The following IFNAR1 variants were observed in gnomAD, a reference collection of about 807,000 sequenced individuals.
IFNAR1 encodes interferon alpha/beta receptor 1.
A neutral mutation model predicts 62.1 loss-of-function variants in IFNAR1; 47 were observed. The observed-to-expected ratio is 0.76, with a 90% CI of 0.60 to 0.97. The LOEUF (loss-of-function observed/expected upper bound fraction) is 0.97. IFNAR1 is among the 50% of genes least tolerant of loss of function. The pLI is 0.00. For synonymous variants in IFNAR1, 219 were observed against 226.9 expected, an observed-to-expected ratio of 0.97 and a Z score of 0.31; for missense variants, 638 against 654.5, an observed-to-expected ratio of 0.97 and a Z score of 0.27.
At chr21:33,354,512 A>G (rs2083430045) in intron 10 of IFNAR1, among the ~76,000 whole-genome samples, 1 of 152,262 alleles carries the variant, frequency 6.6e-6, no homozygotes, top group Admixed American at 6.5e-5. Context: ...AGTATATTCT[A>G]TGGATGAAAT....
chr21:33,352,626 CAA>C, intron 8 of IFNAR1, 130 bp from the exon 9 acceptor site: 1 of 522,394 alleles, frequency 1.9e-6, no homozygotes, highest in Middle Eastern at 5.4e-4. Context: ...CAAAACAAAA[CAA>C]AACAAAAAAT....
intron 10 of IFNAR1, among the ~76,000 whole-genome samples, chr21:33,355,029 T>C (rs111578791): frequency 6.6e-5 from 10 of 151,600 alleles, no homozygotes; most frequent in African/African-American, 2.4e-4. Context: ...CGCCCGCTCC[T>C]GTCCTTTCCC....
At chr21:33,352,190 A>T (rs17875843) in intron 8 of IFNAR1, among the ~76,000 whole-genome samples, 1 of 152,284 alleles carries the variant, frequency 6.6e-6, no homozygotes, top group African/African-American at 2.4e-5. Flanking sequence ...AGGTAATACA[A>T]TGGCAATTAC....
chr21:33,353,876 T>A (rs2083423542), intron 10 of IFNAR1, 93 bp downstream of exon 10: 14 of 828,020 alleles, frequency 1.7e-5, no homozygotes, highest in Non-Finnish European at 2.6e-5. Context: ...TTTCTTGATA[T>A]CCAGAAAATA....
intron 1 of IFNAR1, among the ~76,000 whole-genome samples, chr21:33,333,784 C>G (rs533514898): frequency 3.3e-5 from 5 of 149,738 alleles, no homozygotes; most frequent in African/African-American, 9.9e-5. Context: ...CTACCACGCC[C>G]GGCTAATTTT....
chr21:33,330,318 A>G (rs1341879951), intron 1 of IFNAR1, among the ~76,000 whole-genome samples: 4 of 152,062 alleles, frequency 2.6e-5, no homozygotes, highest in Admixed American at 6.6e-5. Flanking sequence ...CCCCTGCCCC[A>G]TGGATTTAAA....
In IFNAR1 at chr21:33,345,334, C is replaced by A. The variant is rs1358650070; in HGVS notation, c.762C>A (p.Asn254Lys). The A allele has an allele frequency of 6.3e-7, 1 of 1,594,088 alleles. No homozygotes were observed. Among genetic ancestry groups the A allele is most frequent in the Non-Finnish European group, 8.6e-7 (1 of 1,162,352 alleles). The change falls in exon 6 of 11, where the codon AAC becomes AAA. Residue 254 changes from asparagine to lysine, a missense_variant. Asn to Lys is a moderately conservative substitution (Grantham distance 94). Coordinates refer to ENST00000270139, the MANE Select transcript of IFNAR1 (RefSeq NM_000629.3). The stretch of plus-strand genomic sequence containing the variant: ...TTAAATGGGATTATACATATGCAAA[C>A]ATGACCTTTCAAGTTCAGTGGCTCC... ...YVLKWDYTYA[N>K]MTFQVQWLHA...
intron 1 of IFNAR1, among the ~76,000 whole-genome samples, chr21:33,331,894 C>T (rs764328216): frequency 6.6e-6 from 1 of 152,148 alleles, no homozygotes; most frequent in Non-Finnish European, 1.5e-5. Context: ...AAAGCTACAA[C>T]CCATTCTCTG....
chr21:33,335,748 A>G (rs1361983651), intron 2 of IFNAR1, 101 bp downstream of exon 2: 12 of 1,014,846 alleles, frequency 1.2e-5, no homozygotes, highest in Admixed American at 2.8e-5. Flanking sequence ...TGGTTTTTCT[A>G]TTTTTTAGAA....
chr21:33,338,186 A>T (rs944887319), intron 2 of IFNAR1, among the ~76,000 whole-genome samples: 1 of 152,098 alleles, frequency 6.6e-6, no homozygotes, highest in Non-Finnish European at 1.5e-5. Context: ...AGAAATGCAA[A>T]CGAAACCTGC....
chr21:33,353,565 T>C (rs1302085882), intron 9 of IFNAR1, 73 bp from the exon 10 acceptor site: 2 of 794,112 alleles, frequency 2.5e-6, no homozygotes, highest in Non-Finnish European at 4.0e-6. Context: ...GGCTAGTCTT[T>C]CACACAGCTG....
At position 33,355,659 on chromosome 21, in the gene IFNAR1, G is replaced by A; in HGVS notation, c.*110G>A. 2 of 560,402 alleles carry A rather than the reference G, an allele frequency of 3.6e-6. No homozygotes were observed. The highest frequency in any genetic ancestry group is 6.3e-6 in the Non-Finnish European group (2 of 319,066). The allele number at this position is 560,402 out of a possible 1,614,324, so 34.7% of individuals were successfully genotyped here. A position where few individuals can be genotyped will look rare whatever the true frequency, so the allele number is the denominator to read the frequency against. On this transcript the variant is annotated 3_prime_UTR_variant, in exon 11 of 11. Coordinates refer to ENST00000270139, the MANE Select transcript of IFNAR1 (RefSeq NM_000629.3). ...ACAGAGAGGACGTTTCCCTGTTTAG[G>A]GAAAGAAAAAACATCTTCAGATCAT...
chr21:33,333,249 A>G (rs2033958271), intron 1 of IFNAR1, among the ~76,000 whole-genome samples: 1 of 152,206 alleles, frequency 6.6e-6, no homozygotes. Context: ...ATCCTTCAGG[A>G]ATGAGGGAGA....
chr21:33,337,684 T>G (rs1307915196), intron 2 of IFNAR1, among the ~76,000 whole-genome samples: 1 of 152,016 alleles, frequency 6.6e-6, no homozygotes, highest in Non-Finnish European at 1.5e-5. Context: ...ATATAATACA[T>G]ACTGTATACA....
At chr21:33,351,419 C>T (rs975839647) in intron 8 of IFNAR1, among the ~76,000 whole-genome samples, 2 of 152,182 alleles carry the variant, frequency 1.3e-5, no homozygotes, top group Non-Finnish European at 2.9e-5. Context: ...TGACCTAAAC[C>T]CCATGCACAG....
At position 33,355,595 on chromosome 21, in the gene IFNAR1, C is replaced by A. The variant is rs1213254454; in HGVS notation, c.*46C>A. The A allele has an allele frequency of 2.9e-6, 3 of 1,039,150 alleles. No homozygotes were observed. Among genetic ancestry groups the A allele is most frequent in the African/African-American group, 3.2e-5 (2 of 62,068 alleles). The allele number at this position is 1,039,150 out of a possible 1,614,324, so 64.4% of individuals were successfully genotyped here. On this transcript the variant is annotated 3_prime_UTR_variant, in exon 11 of 11. Transcript: ENST00000270139. Reference sequence around the variant, plus strand: ...GTATAAGGTTTTTCAGCAGGAGTTACACTGGGAGCCTGAGGTCCTCACCTT... The same window carrying A: ...GTATAAGGTTTTTCAGCAGGAGTTAAACTGGGAGCCTGAGGTCCTCACCTT...
At position 33,357,530 on chromosome 21, in the gene IFNAR1, G is replaced by GTTTTTTTGTTTTTTT. The variant is rs2083459805; in HGVS notation, c.*1988_*1989insGTTTTTTTTTTTTTT. The GTTTTTTTGTTTTTTT allele has an allele frequency of 7.2e-6, 1 of 139,672 alleles. No homozygotes were observed. The highest frequency in any genetic ancestry group is 2.7e-5 in the African/African-American group (1 of 37,240). 8.7% of individuals were successfully genotyped at this position (139,672 alleles called of 1,614,324 possible). A position where few individuals can be genotyped will look rare whatever the true frequency, so the allele number is the denominator to read the frequency against. ...ATTTTCATCTTTCTGACCAGAGGCT[G>GTTTTTTTGTTTTTTT]TTTTTTTTTTTTTTTGAGACAGTCT... On this transcript the variant is annotated 3_prime_UTR_variant, in exon 11 of 11. Transcript: ENST00000270139.
rs1279713794 is a variant in IFNAR1 at position 33,355,651 on chromosome 21, C to G, written c.*102C>G. 1.9e-5 allele frequency: 11 copies of G among 583,362 alleles called. No homozygotes were observed. The East Asian group carries it at 3.3e-4, about 17-fold the overall frequency. 36.1% of individuals were successfully genotyped at this position (583,362 alleles called of 1,614,324 possible). On this transcript the variant is annotated 3_prime_UTR_variant, in exon 11 of 11. Coordinates refer to ENST00000270139, the MANE Select transcript of IFNAR1 (RefSeq NM_000629.3). ...CAGTAACTACAGAGAGGACGTTTCCCTGTTTAGGGAAAGAAAAAACATCTT... is the reference window on the plus strand; with the variant it reads ...CAGTAACTACAGAGAGGACGTTTCCGTGTTTAGGGAAAGAAAAAACATCTT...
chr21:33,351,196 T>C (rs2083393785), intron 8 of IFNAR1, among the ~76,000 whole-genome samples: 1 of 152,198 alleles, frequency 6.6e-6, no homozygotes, highest in African/African-American at 2.4e-5. Context: ...ATTATGTGAT[T>C]GGTTACATTG....
Sources: allele counts gnomAD v4.1 joint callset (sites outside exome capture counted in the v4.1 genomes callset), GRCh38; gene constraint gnomAD v4.1.1; transcripts MANE v1.5; gene names NCBI Gene and HGNC (gene_info 2026-07-23, HGNC 2026-07-21).